Variants in ARB2A observed in about 807,000 individuals in gnomAD.
The protein encoded by ARB2A is cotranscriptional regulator ARB2A.
the ARB2A span, among the ~76,000 whole-genome samples, chr5:93,663,262 T>A: frequency 6.6e-6 from 1 of 152,178 alleles, no homozygotes; most frequent in East Asian, 1.9e-4. Flanking sequence ...ATAAAACAAT[T>A]CGCTTACCTG....
At chr5:94,077,659 T>G in the ARB2A span, among the ~76,000 whole-genome samples, 1 of 152,214 alleles carries the variant, frequency 6.6e-6, no homozygotes, top group Admixed American at 6.5e-5. Flanking sequence ...TTGGCACATT[T>G]GATATATATT....
At chr5:93,998,855 A>G in the ARB2A span, among the ~76,000 whole-genome samples, 1 of 152,074 alleles carries the variant, frequency 6.6e-6, no homozygotes, top group Non-Finnish European at 1.5e-5. Flanking sequence ...TTACTAGGCT[A>G]CAAATCTCAT....
At chr5:93,752,359 AT>A in the ARB2A span, among the ~76,000 whole-genome samples, 2 of 152,218 alleles carry the variant, frequency 1.3e-5, no homozygotes, top group South Asian at 4.1e-4. Flanking sequence ...CTCAAAACTT[AT>A]AATTTTAAGT....
the ARB2A span, among the ~76,000 whole-genome samples, chr5:93,678,573 T>C: frequency 1.3e-5 from 2 of 152,140 alleles, no homozygotes; most frequent in Non-Finnish European, 2.9e-5. Context: ...TTGGCCAACA[T>C]GGTGAAACCC....
the ARB2A span, among the ~76,000 whole-genome samples, chr5:93,831,298 C>CT: frequency 5.6e-5 from 1 of 17,992 alleles, no homozygotes; most frequent in Admixed American, 8.3e-4. Flanking sequence ...CACTCCGCTG[C>CT]TAAAAAAAAA....
the ARB2A span, among the ~76,000 whole-genome samples, chr5:94,049,767 G>A: frequency 6.6e-6 from 1 of 152,266 alleles, no homozygotes; most frequent in African/African-American, 2.4e-5. Flanking sequence ...GTTGCAGTGA[G>A]CCAAGATCGT....
At chr5:93,775,252 A>G in the ARB2A span, among the ~76,000 whole-genome samples, 1 of 152,188 alleles carries the variant, frequency 6.6e-6, no homozygotes, top group African/African-American at 2.4e-5. Flanking sequence ...TATTTTCTTC[A>G]AATATGTACA....
chr5:93,784,587 A>G, the ARB2A span: 4 of 919,716 alleles, frequency 4.3e-6, no homozygotes, highest in Admixed American at 1.0e-4. Flanking sequence ...CAATAATATT[A>G]TATTAACAAT....
the ARB2A span, among the ~76,000 whole-genome samples, chr5:93,870,698 A>G: frequency 1.3e-5 from 2 of 152,216 alleles, no homozygotes; most frequent in African/African-American, 4.8e-5. Context: ...ACCAAACTAT[A>G]CTAGTAGTCA....
chr5:93,880,523 C>T, the ARB2A span, among the ~76,000 whole-genome samples: 5 of 151,526 alleles, frequency 3.3e-5, no homozygotes, highest in Non-Finnish European at 5.9e-5. Context: ...ATTTATAAAA[C>T]GTTATTTTCT....
At chr5:93,797,072 A>G in the ARB2A span, among the ~76,000 whole-genome samples, 1 of 152,164 alleles carries the variant, frequency 6.6e-6, no homozygotes, top group Non-Finnish European at 1.5e-5. Flanking sequence ...CCACTATACA[A>G]CAAGTTTCCT....
At chr5:93,629,047 C>G in the ARB2A span, among the ~76,000 whole-genome samples, 2 of 152,132 alleles carry the variant, frequency 1.3e-5, no homozygotes, top group Non-Finnish European at 2.9e-5. Context: ...TCATTTTGAT[C>G]TTTAGATGGA....
At chr5:93,982,079 G>C in the ARB2A span, among the ~76,000 whole-genome samples, 9 of 152,074 alleles carry the variant, frequency 5.9e-5, no homozygotes, top group African/African-American at 1.7e-4. Context: ...AGGAATAGAA[G>C]AGTCCTGGCC....
chr5:93,678,133 T>C, the ARB2A span, among the ~76,000 whole-genome samples: 15 of 152,326 alleles, frequency 9.8e-5, no homozygotes, highest in African/African-American at 3.1e-4. Flanking sequence ...GGCTCTAATA[T>C]GGCACCAAAT....
At chr5:94,103,568 T>C in the ARB2A span, among the ~76,000 whole-genome samples, 2 of 151,978 alleles carry the variant, frequency 1.3e-5, no homozygotes, top group East Asian at 3.8e-4. Flanking sequence ...ACGATAATAG[T>C]GGAAGACCTC....
chr5:94,021,286 A>T, the ARB2A span, among the ~76,000 whole-genome samples: 1 of 152,192 alleles, frequency 6.6e-6, no homozygotes, highest in Admixed American at 6.5e-5. Flanking sequence ...GCCTCCCTTA[A>T]CTTATGACTG....
the ARB2A span, among the ~76,000 whole-genome samples, chr5:93,841,352 T>C: frequency 6.6e-6 from 1 of 152,194 alleles, no homozygotes; most frequent in Non-Finnish European, 1.5e-5. Context: ...AATACACTAT[T>C]AACAACTATT....
At chr5:93,678,215 T>C in the ARB2A span, among the ~76,000 whole-genome samples, 2 of 152,240 alleles carry the variant, frequency 1.3e-5, no homozygotes, top group Admixed American at 6.5e-5. Context: ...GAACCTACTA[T>C]AGAAATCGCA....
the ARB2A span, among the ~76,000 whole-genome samples, chr5:93,830,782 G>T: frequency 4.6e-5 from 7 of 152,254 alleles, no homozygotes; most frequent in East Asian, 1.4e-3. Context: ...ACAGAGTGGA[G>T]AGGATGATTT....
Sources: gnomAD v4.1 joint callset for allele counts (sites outside exome capture counted in the v4.1 genomes callset) on GRCh38, gnomAD v4.1.1 for gene constraint, MANE v1.5 for transcripts, NCBI Gene and HGNC (gene_info 2026-07-23, HGNC 2026-07-21) for gene names.